SLIT2: variants seen among roughly 807,000 people sequenced by gnomAD.
The protein encoded by SLIT2 is slit guidance ligand 2.
Under a neutral mutation model 185.7 loss-of-function variants are expected in SLIT2, and 41 were observed. The observed-to-expected ratio is 0.22, with a 90% CI of 0.17 to 0.29. The LOEUF is 0.29. Ranked by LOEUF, SLIT2 falls within the 10% of genes least tolerant of loss-of-function variation. SLIT2 has a pLI of 1.00. For missense variants in SLIT2, 1,571 were observed against 1,909.0 expected (o/e 0.82, Z 3.30); for synonymous variants, 693 against 680.2 (o/e 1.02, Z -0.29).
intron 4 of SLIT2, among the ~76,000 whole-genome samples, chr4:20,300,776 GC>G (rs1195870564): frequency 1.3e-5 from 2 of 151,906 alleles, no homozygotes; most frequent in Non-Finnish European, 2.9e-5. Flanking sequence ...CTAAAATCAA[GC>G]ACTAGGCTTT....
At chr4:20,462,171 A>G (rs1463073484) in intron 4 of SLIT2, among the ~76,000 whole-genome samples, 1 of 152,150 alleles carries the variant, frequency 6.6e-6, no homozygotes, top group Non-Finnish European at 1.5e-5. Flanking sequence ...AGATGCTTAC[A>G]TTCACCGTTC....
At chr4:20,295,434 C>G (rs780948499) in intron 4 of SLIT2, among the ~76,000 whole-genome samples, 3 of 152,138 alleles carry the variant, frequency 2.0e-5, no homozygotes, top group Non-Finnish European at 2.9e-5. Flanking sequence ...TCGACTTATG[C>G]TAACAACTCC....
intron 4 of SLIT2, among the ~76,000 whole-genome samples, chr4:20,298,060 T>G (rs1183591621): frequency 6.6e-6 from 1 of 151,910 alleles, no homozygotes; most frequent in Non-Finnish European, 1.5e-5. Context: ...GAAAAGAGCA[T>G]AGTAATCGGT....
chr4:20,408,463 C>T (rs1220758793), intron 4 of SLIT2, among the ~76,000 whole-genome samples: 1 of 152,062 alleles, frequency 6.6e-6, no homozygotes, highest in Non-Finnish European at 1.5e-5. Flanking sequence ...AGTTCCTTGC[C>T]TCTACTATGC....
At chr4:20,615,310 G>A (rs1226252312) in intron 34 of SLIT2, 1 of 152,152 alleles carries the variant, frequency 6.6e-6, no homozygotes, top group Non-Finnish European at 1.5e-5. Flanking sequence ...CTAAAGGCCT[G>A]TACTCACAGA....
At chr4:20,379,613 T>C (rs1312348884) in intron 4 of SLIT2, among the ~76,000 whole-genome samples, 1 of 152,136 alleles carries the variant, frequency 6.6e-6, no homozygotes, top group Non-Finnish European at 1.5e-5. Flanking sequence ...TGCCTTTGAC[T>C]ATTTTGAGTG....
chr4:20,284,886 G>A (rs1213301093), intron 4 of SLIT2, among the ~76,000 whole-genome samples: 1 of 152,212 alleles, frequency 6.6e-6, no homozygotes, highest in Non-Finnish European at 1.5e-5. Flanking sequence ...GGAAACAAAT[G>A]AGGCAGATGG....
chr4:20,378,667 A>G (rs919748300), intron 4 of SLIT2, among the ~76,000 whole-genome samples: 3 of 152,176 alleles, frequency 2.0e-5, no homozygotes, highest in African/African-American at 7.2e-5. Context: ...GTTAATCTAA[A>G]TATGTGATAA....
At chr4:20,531,415 G>A (rs1026805014) in intron 16 of SLIT2, among the ~76,000 whole-genome samples, 1 of 152,180 alleles carries the variant, frequency 6.6e-6, no homozygotes, top group Non-Finnish European at 1.5e-5. Flanking sequence ...CCCAGACTAG[G>A]AAAATTAGTA....
chr4:20,610,878 C>T (rs1237552753), intron 34 of SLIT2, among the ~76,000 whole-genome samples: 1 of 152,044 alleles, frequency 6.6e-6, no homozygotes, highest in Non-Finnish European at 1.5e-5. Context: ...GAAAAGAAGG[C>T]AGATGAGTGA....
intron 6 of SLIT2, among the ~76,000 whole-genome samples, chr4:20,482,393 A>G (rs1290063327): frequency 1.3e-5 from 2 of 152,046 alleles, no homozygotes; most frequent in African/African-American, 4.8e-5. Context: ...CCTACTGTGT[A>G]TATTTTACAA....
At chr4:20,532,112 A>G in intron 17 of SLIT2, 54 bp downstream of exon 17, 1 of 1,020,502 alleles carries the variant, frequency 9.8e-7, no homozygotes, top group Non-Finnish European at 1.4e-6. Context: ...TTGGGTGTTC[A>G]TTTCAGTTAA....
intron 12 of SLIT2, among the ~76,000 whole-genome samples, chr4:20,522,432 A>T (rs1720918696): frequency 2.0e-5 from 3 of 152,196 alleles, no homozygotes; most frequent in Admixed American, 2.0e-4. Flanking sequence ...AGAAACTGTC[A>T]TTGGACAAAT....
At chr4:20,546,498 A>G (rs529398471) in intron 22 of SLIT2, among the ~76,000 whole-genome samples, 1 of 152,260 alleles carries the variant, frequency 6.6e-6, no homozygotes, top group East Asian at 1.9e-4. Context: ...TTTCCCAAAA[A>G]TGTAAATGTA....
At chr4:20,472,321 T>TATCTATATATAGATCTATATATAGATAG (rs1715263560) in intron 5 of SLIT2, among the ~76,000 whole-genome samples, 1 of 78,600 alleles carries the variant, frequency 1.3e-5, no homozygotes, top group Admixed American at 1.7e-4. Context: ...TATAGATATA[T>TATCTATATATAGATCTATATATAGATAG]ATATCTATAT....
intron 4 of SLIT2, among the ~76,000 whole-genome samples, chr4:20,269,790 C>T (rs1169237371): frequency 6.6e-6 from 1 of 151,820 alleles, no homozygotes; most frequent in Non-Finnish European, 1.5e-5. Flanking sequence ...CTGAACTTGT[C>T]TTTGTAGCCT....
At chr4:20,582,763 G>T (rs574761474) in intron 29 of SLIT2, among the ~76,000 whole-genome samples, 18 of 152,278 alleles carry the variant, frequency 1.2e-4, no homozygotes, top group Admixed American at 9.2e-4. Context: ...GGAAGCACTT[G>T]ACAGTTTCTC....
intron 4 of SLIT2, among the ~76,000 whole-genome samples, chr4:20,322,935 G>A (rs1026281697): frequency 6.6e-6 from 1 of 152,122 alleles, no homozygotes; most frequent in African/African-American, 2.4e-5. Flanking sequence ...TTCTACATCA[G>A]TGGATTAGTT....
At chr4:20,503,416 A>G (rs1318601885) in intron 9 of SLIT2, among the ~76,000 whole-genome samples, 1 of 152,178 alleles carries the variant, frequency 6.6e-6, no homozygotes, top group Non-Finnish European at 1.5e-5. Context: ...GTAAGTGTCT[A>G]AAATTTTTGT....
Sources: allele counts gnomAD v4.1 joint callset (sites outside exome capture counted in the v4.1 genomes callset), GRCh38; gene constraint gnomAD v4.1.1; transcripts MANE v1.5; gene names NCBI Gene and HGNC (gene_info 2026-07-23, HGNC 2026-07-21).